Variants in MXRA7 observed in about 807,000 individuals in gnomAD.
MXRA7 encodes the protein matrix-remodeling-associated protein 7.
In MXRA7, 18 loss-of-function variants were observed where a neutral mutation model predicts 17.4. The observed-to-expected ratio is 1.03, with a 90% CI of 0.71 to 1.53. The LOEUF (loss-of-function observed/expected upper bound fraction) is 1.53. MXRA7 is among the 40% of genes most tolerant of loss of function. MXRA7 has a pLI of 0.00. For synonymous variants in MXRA7, 70 were observed against 101.7 expected (o/e 0.69, Z 1.87); for missense variants, 141 against 209.3 (o/e 0.67, Z 2.01).
intron 1 of MXRA7, among the ~76,000 whole-genome samples, chr17:76,693,870 CA>C (rs1011045535): frequency 6.6e-6 from 1 of 152,154 alleles, no homozygotes; most frequent in Non-Finnish European, 1.5e-5. Context: ...AACAACACAA[CA>C]AAAAACTTCT....
chr17:76,692,429 T>C (rs2143638586), intron 1 of MXRA7, among the ~76,000 whole-genome samples: 1 of 152,026 alleles, frequency 6.6e-6, no homozygotes, highest in African/African-American at 2.4e-5. Context: ...AATTTTGTAT[T>C]TTTAGTAGAG....
At chr17:76,685,533 G>A (rs1353755571) in intron 2 of MXRA7, among the ~76,000 whole-genome samples, 2 of 152,174 alleles carry the variant, frequency 1.3e-5, no homozygotes, top group Admixed American at 6.5e-5. Context: ...CACACACCAC[G>A]CCTGCCTGGG....
At chr17:76,691,238 G>A (rs955554960) in intron 1 of MXRA7, among the ~76,000 whole-genome samples, 11 of 152,310 alleles carry the variant, frequency 7.2e-5, no homozygotes, top group African/African-American at 1.4e-4. Flanking sequence ...ATTCCCGTGC[G>A]CAGGGGGTAG....
At chr17:76,698,848 G>A (rs1048066576) in intron 1 of MXRA7, among the ~76,000 whole-genome samples, 1 of 149,134 alleles carries the variant, frequency 6.7e-6, no homozygotes, top group African/African-American at 2.5e-5. Context: ...TCAGCCTCCC[G>A]AGTAGCTGGA....
chr17:76,687,306 C>T (rs1205712828), intron 2 of MXRA7, among the ~76,000 whole-genome samples: 3 of 152,234 alleles, frequency 2.0e-5, no homozygotes, highest in Non-Finnish European at 4.4e-5. Context: ...CCAGCCTGCC[C>T]GCAGGAGCTG....
At position 76,710,526 on chromosome 17, in the gene MXRA7, TC is replaced by T; in HGVS notation, c.342+78del. On this transcript the variant is annotated intron_variant, in intron 1 of 3. Coordinates refer to ENST00000449428, the MANE Select transcript of MXRA7 (RefSeq NM_198530.4). ...CCTGGGCTGGAGGCCGCGGCCCCGC[TC>T]CCTGGCTCGGCGGGGAACGGCAGCG... 3 of 1,152,516 alleles carry T rather than the reference TC, an allele frequency of 2.6e-6. No individual in the cohort carries two copies. The Admixed American group carries it at 1.4e-4, about 53-fold the overall frequency. 71.4% of individuals were successfully genotyped at this position (1,152,516 alleles called of 1,614,324 possible). A position where few individuals can be genotyped will look rare whatever the true frequency, so the allele number is the denominator to read the frequency against.
At chr17:76,675,498 G>A (rs1177316078), downstream of MXRA7, 5 of 142,882 alleles carry the variant, frequency 3.5e-5, no homozygotes, top group South Asian at 2.2e-4. Context: ...GAGTTCAAGC[G>A]ATTCTCCTGC....
At chr17:76,685,965 A>C (rs548498235) in intron 2 of MXRA7, among the ~76,000 whole-genome samples, 49 of 152,314 alleles carry the variant, frequency 3.2e-4, no homozygotes, top group African/African-American at 1.2e-3. Context: ...GACCTCCACT[A>C]ACTAAAGGAC....
At chr17:76,685,930 G>A (rs185579839) in intron 2 of MXRA7, among the ~76,000 whole-genome samples, 5 of 152,282 alleles carry the variant, frequency 3.3e-5, no homozygotes, top group African/African-American at 7.2e-5. Context: ...AGCAGGTGTC[G>A]GGCAGAGCTG....
At chr17:76,686,234 C>T (rs556651356) in intron 2 of MXRA7, among the ~76,000 whole-genome samples, 44 of 152,180 alleles carry the variant, frequency 2.9e-4, no homozygotes, top group African/African-American at 1.0e-3. Context: ...ATCCCAGCAC[C>T]TTGGGAGGCC....
Position 76,679,673 on chromosome 17 carries a change from A to C in MXRA7, c.*1194T>G, listed in dbSNP as rs2076273594. The C allele has an allele frequency of 2.3e-6, 2 of 866,352 alleles. No homozygotes were observed. Among genetic ancestry groups the C allele is most frequent in the African/African-American group, 3.6e-5 (2 of 55,708 alleles). The allele number at this position is 866,352 out of a possible 1,614,324, so 53.7% of individuals were successfully genotyped here. On this transcript the variant is annotated 3_prime_UTR_variant, in exon 4 of 4. Transcript: ENST00000449428. ...GTGGTGCCTATAAGCCAGGGTCGGA[A>C]ACTTTCCAGACAAACCTAGATAGCT...
At chr17:76,708,974 G>A (rs1249472461) in intron 1 of MXRA7, among the ~76,000 whole-genome samples, 2 of 152,184 alleles carry the variant, frequency 1.3e-5, no homozygotes, top group East Asian at 1.9e-4. Context: ...TTCAGAGGAC[G>A]TGCATTCACC....
At chr17:76,710,538 CG>C in intron 1 of MXRA7, 66 bp downstream of exon 1, 1 of 1,191,292 alleles carries the variant, frequency 8.4e-7, no homozygotes, top group Non-Finnish European at 1.0e-6. Context: ...CCTGGCTCGG[CG>C]GGGAACGGCA....
intron 1 of MXRA7, among the ~76,000 whole-genome samples, chr17:76,705,392 A>G (rs1336468693): frequency 6.6e-6 from 1 of 152,254 alleles, no homozygotes; most frequent in Non-Finnish European, 1.5e-5. Context: ...TATTGTGAAT[A>G]CAATATTTTA....
At chr17:76,675,126 C>T (rs2159358), downstream of MXRA7, 95,214 of 152,092 alleles carry the variant, frequency 0.63, 33,897 homozygotes, top group Non-Finnish European at 0.81. Context: ...TTAGCTGGTA[C>T]AAGTGTACAA....
downstream of MXRA7, chr17:76,674,803 T>C (rs148776910): frequency 1.5e-3 from 224 of 152,334 alleles, no homozygotes; most frequent in African/African-American, 5.1e-3. Context: ...TTCTGGCCAA[T>C]TGGGATCTGA....
chr17:76,710,828 G>A lies in MXRA7; in HGVS notation c.119C>T (p.Ala40Val). ...GGCCGGGGGCGCGGGTTCCGGGGGCGCGCGGGCAGGCTCCGGGCTCGCGGC... is the reference window on the plus strand; with the variant it reads ...GGCCGGGGGCGCGGGTTCCGGGGGCACGCGGGCAGGCTCCGGGCTCGCGGC... ...GAAASPEPAR[A>V]PPEPAPPAEA... is the part of the protein sequence containing the mutation. Residue 40 changes from alanine to valine, a missense_variant, in exon 1 of 4, where the codon GCG becomes GTG. By Grantham distance (64) the Ala-to-Val change is moderately conservative (BLOSUM62 0). Around this residue, in one of 3 missense-constraint regions of MXRA7, gnomAD observed 72 missense variants for 111.9 expected, o/e 0.64. Transcript: ENST00000449428. 2.1e-6 allele frequency: 2 copies of A among 955,768 alleles called. No homozygotes were observed. Among genetic ancestry groups the A allele is most frequent in the South Asian group, 9.5e-5 (2 of 21,008 alleles). The allele number at this position is 955,768 out of a possible 1,614,324, so 59.2% of individuals were successfully genotyped here. A position where few individuals can be genotyped will look rare whatever the true frequency, so the allele number is the denominator to read the frequency against.
At chr17:76,695,159 T>A (rs1316766806) in intron 1 of MXRA7, among the ~76,000 whole-genome samples, 1 of 152,084 alleles carries the variant, frequency 6.6e-6, no homozygotes, top group African/African-American at 2.4e-5. Flanking sequence ...AAACTCCGTC[T>A]CAAAAACAAA....
intron 1 of MXRA7, among the ~76,000 whole-genome samples, chr17:76,705,060 CTG>C (rs779851263): frequency 3.3e-5 from 5 of 152,202 alleles, no homozygotes; most frequent in Non-Finnish European, 7.3e-5. Flanking sequence ...AAAAAGGAAA[CTG>C]TCTGCATGCT....
Sources: allele counts gnomAD v4.1 joint callset (sites outside exome capture counted in the v4.1 genomes callset), GRCh38; gene constraint gnomAD v4.1.1; regional missense constraint gnomAD v4.1.1; transcripts MANE v1.5; gene names NCBI Gene and HGNC (gene_info 2026-07-23, HGNC 2026-07-21).